IGSF21: variants seen among roughly 807,000 people sequenced by gnomAD.
IGSF21 encodes immunoglobin superfamily member 21.
In IGSF21, 28 loss-of-function variants were observed where a neutral mutation model predicts 46.8. The ratio of observed to expected loss-of-function variants is 0.60; its 90% CI spans 0.44 to 0.82. The LOEUF is 0.82. Ranked by LOEUF, IGSF21 falls within the 40% of genes least tolerant of loss-of-function variation. The pLI is 0.00. For synonymous variants in IGSF21, 284 were observed against 273.6 expected, an observed-to-expected ratio of 1.04 and a Z score of -0.38; for missense variants, 624 against 665.5, an observed-to-expected ratio of 0.94 and a Z score of 0.69.
chr1:18,241,518 T>C (rs1287476142), intron 2 of IGSF21, among the ~76,000 whole-genome samples: 2 of 152,220 alleles, frequency 1.3e-5, no homozygotes, highest in East Asian at 3.9e-4. Flanking sequence ...ACTCTCTGAC[T>C]ACAAAGTTCA....
Position 18,297,255 on chromosome 1 carries a change from C to T in IGSF21, c.305+5268C>T, listed in dbSNP as rs148015237. Among the ~76,000 whole-genome samples, 1,271 of 152,222 alleles carry T rather than the reference C, an allele frequency of 8.3e-3. 16 individuals carry two copies. Among genetic ancestry groups the T allele is most frequent in the African/African-American group, 0.029 (1,198 of 41,518 alleles). ...TAAATATCTGTGGGGTGAATGAGTT[C>T]GTGGTGAACATGGTGGTGGAGTCCT... On this transcript the variant is annotated intron_variant, in intron 3 of 9. Transcript: ENST00000251296.
At chr1:18,192,143 G>A (rs768304965) in intron 1 of IGSF21, among the ~76,000 whole-genome samples, 2 of 152,222 alleles carry the variant, frequency 1.3e-5, no homozygotes, top group Admixed American at 1.3e-4. Context: ...CATTTACCAC[G>A]TAAGCATCCT....
intron 1 of IGSF21, among the ~76,000 whole-genome samples, chr1:18,155,232 C>G (rs2086557527): frequency 6.6e-6 from 1 of 152,246 alleles, no homozygotes; most frequent in African/African-American, 2.4e-5. Flanking sequence ...CAAGGCTGTC[C>G]TGTTACACCT....
intron 4 of IGSF21, among the ~76,000 whole-genome samples, chr1:18,356,881 G>T (rs145190596): frequency 6.6e-6 from 1 of 152,204 alleles, no homozygotes; most frequent in Non-Finnish European, 1.5e-5. Flanking sequence ...TGGAGTTGAA[G>T]TTGGTCGTGA....
At chr1:18,212,207 C>G (rs969975600) in intron 1 of IGSF21, among the ~76,000 whole-genome samples, 1 of 152,240 alleles carries the variant, frequency 6.6e-6, no homozygotes, top group Non-Finnish European at 1.5e-5. Flanking sequence ...TCTCCCCTTG[C>G]CAGCCTTAAG....
At chr1:18,230,607 A>G (rs1348589648) in intron 2 of IGSF21, among the ~76,000 whole-genome samples, 1 of 152,036 alleles carries the variant, frequency 6.6e-6, no homozygotes, top group Non-Finnish European at 1.5e-5. Flanking sequence ...GTGCCCGCCT[A>G]TGATGGGAAG....
chr1:18,152,668 C>T (rs2086531373), intron 1 of IGSF21, among the ~76,000 whole-genome samples: 2 of 152,100 alleles, frequency 1.3e-5, no homozygotes, highest in African/African-American at 4.8e-5. Context: ...AGACTTGAAG[C>T]TCCATCACTA....
intron 1 of IGSF21, among the ~76,000 whole-genome samples, chr1:18,167,202 G>A (rs2086687996): frequency 6.6e-6 from 1 of 152,204 alleles, no homozygotes; most frequent in Non-Finnish European, 1.5e-5. Context: ...CTTGAGAAGG[G>A]TGTATCTGAA....
intron 2 of IGSF21, among the ~76,000 whole-genome samples, chr1:18,265,845 G>A (rs1000096651): frequency 6.6e-6 from 1 of 152,326 alleles, no homozygotes; most frequent in East Asian, 1.9e-4. Context: ...GCTGAGGAGC[G>A]GGCAAGGTGC....
chr1:18,358,749 A>C (rs1218460520), intron 4 of IGSF21, among the ~76,000 whole-genome samples: 1 of 152,246 alleles, frequency 6.6e-6, no homozygotes, highest in Non-Finnish European at 1.5e-5. Flanking sequence ...TCCATTTTTC[A>C]GATCAGGAAA....
chr1:18,119,675 T>G (rs1255298784), intron 1 of IGSF21, among the ~76,000 whole-genome samples: 1 of 152,154 alleles, frequency 6.6e-6, no homozygotes, highest in African/African-American at 2.4e-5. Flanking sequence ...CTCTATCACA[T>G]GCTGATTTCT....
intron 2 of IGSF21, among the ~76,000 whole-genome samples, chr1:18,262,683 A>G (rs2084957048): frequency 6.6e-6 from 1 of 152,206 alleles, no homozygotes; most frequent in African/African-American, 2.4e-5. Flanking sequence ...GCCCTGCATG[A>G]ATCCATGTCT....
chr1:18,125,237 A>G (rs1325824915), intron 1 of IGSF21, among the ~76,000 whole-genome samples: 2 of 152,060 alleles, frequency 1.3e-5, no homozygotes, highest in Admixed American at 6.6e-5. Context: ...TTTGGACTAT[A>G]TCTTCTTCAT....
At chr1:18,367,380 A>C (rs886892014) in intron 6 of IGSF21, among the ~76,000 whole-genome samples, 1 of 141,884 alleles carries the variant, frequency 7.0e-6, no homozygotes, top group Non-Finnish European at 1.6e-5. Context: ...CTCATTTTGC[A>C]TATGAGCAAA....
At chr1:18,159,059 G>C (rs557600328) in intron 1 of IGSF21, among the ~76,000 whole-genome samples, 1 of 152,232 alleles carries the variant, frequency 6.6e-6, no homozygotes, top group South Asian at 2.1e-4. Flanking sequence ...TCTGCCTTGG[G>C]TTTGGTCGCC....
chr1:18,159,003 C>G (rs957032695), intron 1 of IGSF21, among the ~76,000 whole-genome samples: 9 of 152,176 alleles, frequency 5.9e-5, no homozygotes, highest in Non-Finnish European at 1.0e-4. Flanking sequence ...AGGGTGGCAC[C>G]TCCTCCCAGA....
chr1:18,286,057 C>G (rs2085209724), intron 2 of IGSF21, among the ~76,000 whole-genome samples: 1 of 152,164 alleles, frequency 6.6e-6, no homozygotes. Context: ...CCTCACCCAG[C>G]AATCAACTGA....
intron 6 of IGSF21, among the ~76,000 whole-genome samples, chr1:18,370,103 C>T (rs2086209834): frequency 6.6e-6 from 1 of 152,150 alleles, no homozygotes; most frequent in South Asian, 2.1e-4. Context: ...AAATACCCAA[C>T]CCAAGCACCA....
chr1:18,164,831 C>A (rs1388448509), intron 1 of IGSF21, among the ~76,000 whole-genome samples: 1 of 150,998 alleles, frequency 6.6e-6, no homozygotes, highest in Non-Finnish European at 1.5e-5. Context: ...GTTTGCTGCA[C>A]CCATTAACTC....
Sources: allele counts gnomAD v4.1 joint callset (sites outside exome capture counted in the v4.1 genomes callset), GRCh38; gene constraint gnomAD v4.1.1; transcripts MANE v1.5; gene names NCBI Gene and HGNC (gene_info 2026-07-23, HGNC 2026-07-21).